ATP2A2: variants seen among roughly 807,000 people sequenced by gnomAD.
ATP2A2 encodes ATPase sarcoplasmic/endoplasmic reticulum Ca2+ transporting 2.
ATP2A2 carries 14 observed loss-of-function variants against 109.3 expected under a neutral mutation model. The ratio of observed to expected loss-of-function variants is 0.13; its 90% CI spans 0.08 to 0.20. The LOEUF (loss-of-function observed/expected upper bound fraction) is 0.20. Among genes scored for constraint, ATP2A2 ranks in the 10% least tolerant of loss-of-function variants. ATP2A2 has a pLI of 1.00. For synonymous variants in ATP2A2, 506 were observed against 490.9 expected, an observed-to-expected ratio of 1.03 and a Z score of -0.41; for missense variants, 657 against 1,321.6, an observed-to-expected ratio of 0.50 and a Z score of 7.80.
Position 110,339,641 on chromosome 12 carries a change from C to T in ATP2A2, c.1681C>T (p.Leu561=). Residue 561 remains leucine (L), a synonymous_variant, in exon 13 of 20, where the codon CTG becomes TTG. Coordinates refer to ENST00000539276, the MANE Select transcript of ATP2A2 (RefSeq NM_170665.4). The surrounding 1 kb of genome is among the most constrained non-coding windows in gnomAD (Gnocchi z 4.4). ...TAGTGGCAGCGACACACTGCGATGC[C>T]TGGCCCTGGCCACTCATGACAACCC... ...WGSGSDTLRC[L]ALATHDNPLR... is the part of the protein sequence containing the mutation. 2 of 1,614,148 alleles carry T rather than the reference C, an allele frequency of 1.2e-6. No individual in the cohort carries two copies. The highest frequency in any genetic ancestry group is 1.7e-6 in the Non-Finnish European group (2 of 1,180,036).
At chr12:110,297,609 T>A (rs1874108534) in intron 5 of ATP2A2, among the ~76,000 whole-genome samples, 1 of 151,748 alleles carries the variant, frequency 6.6e-6, no homozygotes, top group African/African-American at 2.4e-5. Context: ...TAGTGCTGTT[T>A]TTTTGTTTTG....
At chr12:110,322,884 T>G (rs1877386023) in intron 5 of ATP2A2, 108 bp from the exon 6 acceptor site, 4 of 825,166 alleles carry the variant, frequency 4.8e-6, no homozygotes, top group Non-Finnish European at 6.3e-6. Flanking sequence ...TTGTGTTATA[T>G]GCAGATCATT....
At chr12:110,315,163 G>A (rs1453045460) in intron 5 of ATP2A2, among the ~76,000 whole-genome samples, 2 of 152,138 alleles carry the variant, frequency 1.3e-5, no homozygotes, top group African/African-American at 4.8e-5. Context: ...ATCGCGCCCG[G>A]CAATATACTG....
At chr12:110,316,220 T>G (rs1876652687) in intron 5 of ATP2A2, among the ~76,000 whole-genome samples, 1 of 152,402 alleles carries the variant, frequency 6.6e-6, no homozygotes, top group Admixed American at 6.5e-5. Context: ...GTTGTCATTC[T>G]AGACATTTTT....
chr12:110,286,405 TAAG>T lies in ATP2A2; in HGVS notation c.219+3614_219+3616del, dbSNP rs548397000. On this transcript the variant is annotated intron_variant, in intron 3 of 19. Coordinates refer to ENST00000539276, the MANE Select transcript of ATP2A2 (RefSeq NM_170665.4). ...TTAATTTTTGATTTTAAAAATGGGA[TAAG>T]AAGGGCAAATTACTGATTGGTTTAA... Among the ~76,000 whole-genome samples, 188 of 152,364 alleles carry T rather than the reference TAAG, an allele frequency of 1.2e-3. 1 individual carries two copies. The highest frequency in any genetic ancestry group is 6.8e-3 in the Middle Eastern group (2 of 294).
In ATP2A2 at chr12:110,342,528, C is replaced by T; in HGVS notation, c.2318+80C>T. 6.8e-7 allele frequency: 1 copy of T among 1,481,134 alleles called. No homozygotes were observed. Among genetic ancestry groups the T allele is most frequent in the Non-Finnish European group, 9.3e-7 (1 of 1,076,248 alleles). The allele number at this position is 1,481,134 out of a possible 1,614,324, so 91.7% of individuals were successfully genotyped here. A position where few individuals can be genotyped will look rare whatever the true frequency, so the allele number is the denominator to read the frequency against. On this transcript the variant is annotated intron_variant, in intron 15 of 19. Coordinates refer to ENST00000539276, the MANE Select transcript of ATP2A2 (RefSeq NM_170665.4). The surrounding 1 kb of genome is among the most constrained non-coding windows in gnomAD (Gnocchi z 4.6). ...GAGCCCAGTTCTCGCAGTTTGCTCT[C>T]CAGATTGCAGCAGCTTTGGTCTTTG...
At chr12:110,341,945 C>T (rs925411488) in intron 14 of ATP2A2, among the ~76,000 whole-genome samples, 2 of 152,186 alleles carry the variant, frequency 1.3e-5, no homozygotes, top group Non-Finnish European at 2.9e-5. Flanking sequence ...CAAGTGCTTC[C>T]TCTTGACTGC....
intron 16 of ATP2A2, 81 bp downstream of exon 16, chr12:110,343,515 C>A: frequency 6.6e-7 from 1 of 1,514,564 alleles, no homozygotes; most frequent in Non-Finnish European, 9.1e-7. Context: ...CCCTTAAAAG[C>A]GTGTTTTTTC....
Position 110,348,685 on chromosome 12 carries a change from C to T in ATP2A2, c.*2215C>T, listed in dbSNP as rs964728764. 25 of 985,230 alleles carry T rather than the reference C, an allele frequency of 2.5e-5. No individual in the cohort carries two copies. The African/African-American group carries it at 4.2e-4, about 17-fold the overall frequency. The allele number at this position is 985,230 out of a possible 1,614,324, so 61.0% of individuals were successfully genotyped here. A position where few individuals can be genotyped will look rare whatever the true frequency, so the allele number is the denominator to read the frequency against. On this transcript the variant is annotated 3_prime_UTR_variant, in exon 20 of 20. Coordinates refer to ENST00000539276, the MANE Select transcript of ATP2A2 (RefSeq NM_170665.4). Reference sequence around the variant, plus strand: ...CAGGTACTCAAACCAGCCTGGGCAACAGAGTGAGGCCCTGTCAAAAAAAAA... The same window carrying T: ...CAGGTACTCAAACCAGCCTGGGCAATAGAGTGAGGCCCTGTCAAAAAAAAA...
intron 6 of ATP2A2, among the ~76,000 whole-genome samples, chr12:110,325,073 A>G (rs1321938623): frequency 2.6e-5 from 4 of 152,026 alleles, no homozygotes; most frequent in African/African-American, 9.7e-5. Context: ...TCAAACCCCC[A>G]AAGTGCTGGG....
At chr12:110,312,573 G>T (rs1433521924) in intron 5 of ATP2A2, among the ~76,000 whole-genome samples, 1 of 152,044 alleles carries the variant, frequency 6.6e-6, no homozygotes, top group East Asian at 1.9e-4. Context: ...GTACAGGCCG[G>T]GCATGGTGGC....
At chr12:110,324,803 C>A (rs114892353) in intron 6 of ATP2A2, among the ~76,000 whole-genome samples, 4,854 of 150,646 alleles carry the variant, frequency 0.032, 259 homozygotes, top group African/African-American at 0.11. Context: ...TTTGAGAGAG[C>A]AGTTATAGTC....
chr12:110,289,907 C>T (rs912858639), intron 3 of ATP2A2, among the ~76,000 whole-genome samples: 4 of 152,152 alleles, frequency 2.6e-5, no homozygotes, highest in Non-Finnish European at 5.9e-5. Context: ...CTTTTTACCA[C>T]GTTTATAGTT....
Position 110,350,116 on chromosome 12 carries a change from G to A in ATP2A2, c.*3646G>A. 2 of 1,501,656 alleles carry A rather than the reference G, an allele frequency of 1.3e-6. No homozygotes were observed. The highest frequency in any genetic ancestry group is 2.1e-5 in the Admixed American group (1 of 47,856). 93.0% of individuals were successfully genotyped at this position (1,501,656 alleles called of 1,614,324 possible). On this transcript the variant is annotated 3_prime_UTR_variant, in exon 20 of 20. Coordinates refer to ENST00000539276, the MANE Select transcript of ATP2A2 (RefSeq NM_170665.4). ...AGCCAGTGCTTCTAGATGCTACCCT[G>A]TGTGGGCGGCACCTCAGGGACAGTA...
rs1488879499 is a variant in ATP2A2, at chr12:110,327,259, A to G, written c.631-294A>G. Among the ~76,000 whole-genome samples, 1 of 152,044 alleles carries G rather than the reference A, an allele frequency of 6.6e-6. No homozygotes were observed. The highest frequency in any genetic ancestry group is 1.9e-4 in the East Asian group (1 of 5,202). ...TGGAGAATGCTTAGAGTTGAACTATATGAGTTTGAAAAATTGGGAACACAG... is the reference window on the plus strand; with the variant it reads ...TGGAGAATGCTTAGAGTTGAACTATGTGAGTTTGAAAAATTGGGAACACAG... On this transcript the variant is annotated intron_variant, in intron 7 of 19. Coordinates refer to ENST00000539276, the MANE Select transcript of ATP2A2 (RefSeq NM_170665.4). The surrounding 1 kb of genome is among the most constrained non-coding windows in gnomAD (Gnocchi z 4.4).
chr12:110,317,697 C>T (rs1221129097), intron 5 of ATP2A2, among the ~76,000 whole-genome samples: 1 of 151,976 alleles, frequency 6.6e-6, no homozygotes, highest in Non-Finnish European at 1.5e-5. Context: ...GTAGTTTTAA[C>T]CATCAGTATT....
intron 10 of ATP2A2, 59 bp downstream of exon 10, chr12:110,333,342 G>A: frequency 1.4e-6 from 2 of 1,446,708 alleles, no homozygotes; most frequent in Non-Finnish European, 1.9e-6. Flanking sequence ...TGGGGTGGGT[G>A]GAATGAAAGT....
chr12:110,292,075 T>G lies in ATP2A2; in HGVS notation c.275T>G (p.Phe92Cys). ...ACAATTACAGCCTTTGTAGAACCTT[T>G]TGTAATTTTACTCATATTAGTAGCC... ...EETITAFVEP[F>C]VILLILVANA... is the part of the protein sequence containing the mutation. Residue 92 changes from phenylalanine to cysteine, a missense_variant, in exon 4 of 20, where the codon TTT becomes TGT. By Grantham distance (205) the Phe-to-Cys change is radical (BLOSUM62 -2). Coordinates refer to ENST00000539276, the MANE Select transcript of ATP2A2 (RefSeq NM_170665.4). The G allele has an allele frequency of 6.2e-7, 1 of 1,614,238 alleles. No individual in the cohort carries two copies. Among genetic ancestry groups the G allele is most frequent in the Non-Finnish European group, 8.5e-7 (1 of 1,180,046 alleles).
At chr12:110,288,101 CTTTTTTTTT>C (rs71083111) in intron 3 of ATP2A2, among the ~76,000 whole-genome samples, 3 of 87,300 alleles carry the variant, frequency 3.4e-5, no homozygotes, top group East Asian at 3.0e-4. Context: ...ATGCTTTGCC[CTTTTTTTTT>C]TTTTTTTTTT....
Sources: allele counts gnomAD v4.1 joint callset (sites outside exome capture counted in the v4.1 genomes callset), GRCh38; gene constraint gnomAD v4.1.1; non-coding constraint Gnocchi (gnomAD v3.1); transcripts MANE v1.5; gene names NCBI Gene and HGNC (gene_info 2026-07-23, HGNC 2026-07-21).